CSMD3: variants seen among roughly 807,000 people sequenced by gnomAD.
The protein encoded by CSMD3 is CUB and sushi domain-containing protein 3.
A neutral mutation model predicts 435.2 loss-of-function variants in CSMD3; 177 were observed. The observed-to-expected ratio is 0.41, with a 90% CI of 0.36 to 0.46. The LOEUF (loss-of-function observed/expected upper bound fraction) is 0.46. CSMD3 is among the 20% of genes least tolerant of loss of function. The pLI, the probability that CSMD3 is intolerant of heterozygous loss-of-function variation, is 0.34. For missense variants in CSMD3, 4,265 were observed against 4,504.6 expected (o/e 0.95, Z 1.52); for synonymous variants, 1,656 against 1,520.5 (o/e 1.09, Z -2.07).
intron 45 of CSMD3, among the ~76,000 whole-genome samples, chr8:112,320,903 C>T (rs980640064): frequency 2.0e-5 from 3 of 152,070 alleles, no homozygotes; most frequent in African/African-American, 4.8e-5. Context: ...TATCAAATGT[C>T]ATGTTTCTAA....
chr8:112,550,500 A>G (rs1827584761), intron 27 of CSMD3, among the ~76,000 whole-genome samples, 171 bp downstream of exon 27: 1 of 152,012 alleles, frequency 6.6e-6, no homozygotes, highest in African/African-American at 2.4e-5. Flanking sequence ...TAGTTGTATT[A>G]CCTTTTTCCC....
intron 10 of CSMD3, among the ~76,000 whole-genome samples, chr8:112,871,771 T>C (rs1025168989): frequency 2.0e-5 from 3 of 152,088 alleles, no homozygotes; most frequent in African/African-American, 7.2e-5. Context: ...TCTTCCTTTT[T>C]GGGAGGAAAA....
At chr8:112,343,001 T>TATTTATATATATATATTTA (rs1554647587) in intron 41 of CSMD3, among the ~76,000 whole-genome samples, 1 of 109,678 alleles carries the variant, frequency 9.1e-6, no homozygotes, top group Admixed American at 9.8e-5. Context: ...ATATATATAT[T>TATTTATATATATATATTTA]TATATATATA....
intron 7 of CSMD3, among the ~76,000 whole-genome samples, chr8:112,960,883 A>G (rs181093746): frequency 4.0e-5 from 6 of 151,850 alleles, no homozygotes; most frequent in Admixed American, 3.3e-4. Flanking sequence ...TTAAAAAATC[A>G]TTAGAGACAA....
At chr8:112,355,457 G>A (rs565976658) in intron 38 of CSMD3, among the ~76,000 whole-genome samples, 38 of 152,258 alleles carry the variant, frequency 2.5e-4, no homozygotes, top group African/African-American at 7.7e-4. Flanking sequence ...GAAAATGTTC[G>A]TAAGCTATGC....
At chr8:112,411,748 G>A (rs557406544) in intron 32 of CSMD3, among the ~76,000 whole-genome samples, 1 of 152,128 alleles carries the variant, frequency 6.6e-6, no homozygotes, top group South Asian at 2.1e-4. Context: ...GTCTGTAAAT[G>A]TCTTAATTTA....
chr8:112,370,005 G>GGAAGAA (rs1234639808), intron 38 of CSMD3, among the ~76,000 whole-genome samples: 1 of 63,982 alleles, frequency 1.6e-5, no homozygotes, highest in Admixed American at 1.7e-4. Flanking sequence ...AAGAAGAAGA[G>GGAAGAA]GAAGAGGAAG....
intron 11 of CSMD3, among the ~76,000 whole-genome samples, chr8:112,842,465 G>A (rs231313): frequency 0.21 from 31,174 of 151,612 alleles, 4,027 homozygotes; most frequent in Non-Finnish European, 0.3. Context: ...TACCCATCTC[G>A]CTCTGGGAAT....
At chr8:113,374,302 T>C (rs900898265) in intron 1 of CSMD3, among the ~76,000 whole-genome samples, 3 of 152,042 alleles carry the variant, frequency 2.0e-5, no homozygotes, top group Non-Finnish European at 2.9e-5. Context: ...AAAATAAAAA[T>C]TTTAAACCTA....
chr8:112,922,575 C>T (rs903088099), intron 9 of CSMD3, among the ~76,000 whole-genome samples: 2 of 151,824 alleles, frequency 1.3e-5, no homozygotes, highest in Non-Finnish European at 2.9e-5. Flanking sequence ...ATCTCTATAT[C>T]CATGTTTAAT....
At chr8:112,557,505 C>T (rs993903493) in intron 24 of CSMD3, among the ~76,000 whole-genome samples, 3 of 151,868 alleles carry the variant, frequency 2.0e-5, no homozygotes, top group Non-Finnish European at 2.9e-5. Context: ...TCCCCATGGC[C>T]GGGTCATATA....
chr8:112,479,594 C>T (rs1170331070), intron 31 of CSMD3, among the ~76,000 whole-genome samples: 1 of 152,174 alleles, frequency 6.6e-6, no homozygotes, highest in African/African-American at 2.4e-5. Flanking sequence ...CCCTGCATCC[C>T]AGCCACTCTG....
chr8:113,305,696 A>G (rs1020195273), intron 2 of CSMD3, among the ~76,000 whole-genome samples: 2 of 152,234 alleles, frequency 1.3e-5, no homozygotes, highest in Non-Finnish European at 2.9e-5. Flanking sequence ...GATTTGAAAG[A>G]GCCTTTTATG....
At chr8:112,849,184 A>ATATT (rs1231459157) in intron 11 of CSMD3, among the ~76,000 whole-genome samples, 7 of 152,166 alleles carry the variant, frequency 4.6e-5, no homozygotes, top group African/African-American at 1.7e-4. Flanking sequence ...TCTATGAATT[A>ATATT]TATTCTTCTA....
intron 31 of CSMD3, among the ~76,000 whole-genome samples, chr8:112,484,558 G>A (rs1209061986): frequency 6.6e-6 from 1 of 151,384 alleles, no homozygotes; most frequent in Non-Finnish European, 1.5e-5. Flanking sequence ...CACCAGGAAG[G>A]TACATTTGAG....
intron 4 of CSMD3, among the ~76,000 whole-genome samples, chr8:113,108,171 T>C (rs1394960307): frequency 6.6e-6 from 1 of 152,142 alleles, no homozygotes; most frequent in Non-Finnish European, 1.5e-5. Context: ...GGCTCACACC[T>C]GTAATCCCAG....
At position 112,851,492 on chromosome 8, in the gene CSMD3, C is replaced by T. The variant is rs142809914; in HGVS notation, c.1755+7653G>A. On this transcript the variant is annotated intron_variant, in intron 11 of 70. Transcript: ENST00000297405. The stretch of plus-strand genomic sequence containing the variant: ...TGATATAAAGGACCTTTGAGCCGGG[C>T]GCGGTGGCTCATGCCTGCGATCCCA... 2.7e-3 allele frequency among the ~76,000 whole-genome samples: 407 copies of T among 152,138 alleles called. 1 individual carries two copies. Among genetic ancestry groups the T allele is most frequent in the Non-Finnish European group, 4.5e-3 (307 of 68,002 alleles).
chr8:112,706,211 C>A (rs1211402010), intron 13 of CSMD3, among the ~76,000 whole-genome samples: 2 of 151,898 alleles, frequency 1.3e-5, no homozygotes, highest in African/African-American at 4.8e-5. Context: ...CACATTCATT[C>A]ATTCATCTAT....
intron 5 of CSMD3, among the ~76,000 whole-genome samples, chr8:113,035,093 T>C (rs368864819): frequency 6.6e-6 from 1 of 151,384 alleles, no homozygotes; most frequent in Non-Finnish European, 1.5e-5. Context: ...AAACAATCTA[T>C]GCAGGAGTAA....
Sources: allele counts gnomAD v4.1 joint callset (sites outside exome capture counted in the v4.1 genomes callset), GRCh38; gene constraint gnomAD v4.1.1; transcripts MANE v1.5; gene names NCBI Gene and HGNC (gene_info 2026-07-23, HGNC 2026-07-21).